NKAIN2: variants seen among roughly 807,000 people sequenced by gnomAD.
NKAIN2 encodes sodium/potassium-transporting ATPase subunit beta-1-interacting protein 2.
Under a neutral mutation model 32.6 loss-of-function variants are expected in NKAIN2, and 14 were observed. That is an observed-to-expected ratio of 0.43 (90% CI 0.28 to 0.67). The LOEUF is 0.67. Ranked by LOEUF, NKAIN2 falls within the 30% of genes least tolerant of loss-of-function variation. The pLI is 0.17. For missense variants in NKAIN2, 198 were observed against 258.3 expected (o/e 0.77, Z 1.60); for synonymous variants, 80 against 87.2 (o/e 0.92, Z 0.46).
At chr6:124,787,696 GT>G (rs1455648662) in intron 4 of NKAIN2, among the ~76,000 whole-genome samples, 3 of 152,110 alleles carry the variant, frequency 2.0e-5, no homozygotes, top group Non-Finnish European at 4.4e-5. Flanking sequence ...CATGAAAAAT[GT>G]TATACTTTTG....
rs1582961963 is a variant in NKAIN2 at position 124,032,503 on chromosome 6, T to C, written c.54+228249T>C. ...GTTTTAGAACTTAATGTAATGAAAG[T>C]ACTATCTTTCTATGAACCTTACAGT... On this transcript the variant is annotated intron_variant, in intron 1 of 6. Transcript: ENST00000368417. Among the ~76,000 whole-genome samples the C allele has an allele frequency of 3.3e-5, 5 of 152,108 alleles. No homozygotes were observed. In the South Asian group the frequency reaches 1.0e-3, roughly 31 times the overall value.
chr6:124,019,681 A>G (rs1410192601), intron 1 of NKAIN2, among the ~76,000 whole-genome samples: 4 of 152,174 alleles, frequency 2.6e-5, no homozygotes, highest in African/African-American at 9.7e-5. Flanking sequence ...ATCCCTTTCA[A>G]TATAAGTGTG....
At chr6:124,164,132 T>C (rs922041931) in intron 1 of NKAIN2, among the ~76,000 whole-genome samples, 2 of 152,108 alleles carry the variant, frequency 1.3e-5, no homozygotes, top group African/African-American at 2.4e-5. Flanking sequence ...AAAGTTAGAA[T>C]TGTAAACAAG....
chr6:124,741,562 G>T (rs1777212815), intron 4 of NKAIN2, among the ~76,000 whole-genome samples: 1 of 151,856 alleles, frequency 6.6e-6, no homozygotes, highest in African/African-American at 2.4e-5. Context: ...CAAAGGGAGT[G>T]CTTATCTCTG....
intron 3 of NKAIN2, among the ~76,000 whole-genome samples, chr6:124,489,767 T>A (rs1032226643): frequency 6.6e-6 from 1 of 151,876 alleles, no homozygotes; most frequent in Admixed American, 6.6e-5. Flanking sequence ...TCCACTTGTA[T>A]TGAAAATCTG....
At chr6:124,013,865 A>G (rs1780449071) in intron 1 of NKAIN2, among the ~76,000 whole-genome samples, 1 of 152,202 alleles carries the variant, frequency 6.6e-6, no homozygotes, top group Non-Finnish European at 1.5e-5. Flanking sequence ...TCACAAGCCA[A>G]TGAATACAGG....
At chr6:124,674,237 C>G (rs891125968) in intron 4 of NKAIN2, among the ~76,000 whole-genome samples, 1 of 151,970 alleles carries the variant, frequency 6.6e-6, no homozygotes, top group African/African-American at 2.4e-5. Context: ...GTTGTTATGC[C>G]AGTACCATAC....
chr6:124,228,683 C>T (rs1792251768), intron 1 of NKAIN2, among the ~76,000 whole-genome samples: 2 of 152,110 alleles, frequency 1.3e-5, no homozygotes, highest in Admixed American at 1.3e-4. Flanking sequence ...CCTTTGTAAG[C>T]CTCTTGCATT....
intron 1 of NKAIN2, among the ~76,000 whole-genome samples, chr6:124,153,581 A>T (rs1022761425): frequency 6.6e-6 from 1 of 151,738 alleles, no homozygotes; most frequent in African/African-American, 2.4e-5. Context: ...AGTCTTGCAC[A>T]TATTCCATTA....
intron 1 of NKAIN2, among the ~76,000 whole-genome samples, chr6:124,028,710 TATATAC>T (rs1189934663): frequency 9.9e-5 from 14 of 141,108 alleles, no homozygotes; most frequent in Non-Finnish European, 7.4e-5. Context: ...TACACGTGTA[TATATAC>T]GTGTATATAC....
At chr6:124,364,217 C>T (rs1251510395) in intron 3 of NKAIN2, among the ~76,000 whole-genome samples, 14 of 112,838 alleles carry the variant, frequency 1.2e-4, no homozygotes, top group African/African-American at 4.9e-4. Flanking sequence ...AACTAAAGCA[C>T]AGGAAAGGGT....
chr6:124,595,828 A>C (rs1259866374), intron 3 of NKAIN2, among the ~76,000 whole-genome samples: 1 of 152,188 alleles, frequency 6.6e-6, no homozygotes, highest in Non-Finnish European at 1.5e-5. Context: ...GATGTTACTG[A>C]GTTCTGCAGA....
intron 3 of NKAIN2, among the ~76,000 whole-genome samples, chr6:124,500,050 A>T (rs1424867867): frequency 1.3e-5 from 2 of 152,346 alleles, no homozygotes; most frequent in African/African-American, 4.8e-5. Context: ...TTAAAGGGTG[A>T]TGGAGATTTG....
rs536350657 is a variant in NKAIN2 at position 124,283,155 on chromosome 6, T to C, written c.192+13T>C. The C allele has an allele frequency of 8.8e-6, 14 of 1,589,986 alleles. No homozygotes were observed. The highest frequency in any genetic ancestry group is 8.1e-5 in the African/African-American group (6 of 74,516). Reference sequence around the variant, plus strand: ...TTACATAACAGGAGTAAGTACATTTTCTGCCTTTTAAAAATCTTATTGAAC... The same window carrying C: ...TTACATAACAGGAGTAAGTACATTTCCTGCCTTTTAAAAATCTTATTGAAC... On this transcript the variant is annotated intron_variant, in intron 2 of 6. Transcript: ENST00000368417.
chr6:124,732,046 A>G (rs1476908097), intron 4 of NKAIN2, among the ~76,000 whole-genome samples: 1 of 152,056 alleles, frequency 6.6e-6, no homozygotes, highest in Non-Finnish European at 1.5e-5. Context: ...ATGAAATATC[A>G]TTCTAATAGT....
intron 2 of NKAIN2, among the ~76,000 whole-genome samples, chr6:124,318,961 T>G (rs535163011): frequency 1.3e-5 from 2 of 152,230 alleles, no homozygotes; most frequent in African/African-American, 4.8e-5. Context: ...ATTTTAATTA[T>G]ATGTATTTAA....
chr6:123,885,974 TC>T (rs200459488), intron 1 of NKAIN2, among the ~76,000 whole-genome samples: 1 of 133,294 alleles, frequency 7.5e-6, no homozygotes, highest in Non-Finnish European at 1.6e-5. Flanking sequence ...AGAACAAGAG[TC>T]CCCCCAACTA....
At chr6:124,432,100 T>G (rs1018807786) in intron 3 of NKAIN2, among the ~76,000 whole-genome samples, 91 of 152,248 alleles carry the variant, frequency 6.0e-4, no homozygotes, top group African/African-American at 1.9e-3. Context: ...ATATTGTAAG[T>G]GTCACAATTG....
At chr6:124,397,639 G>C (rs909326919) in intron 3 of NKAIN2, among the ~76,000 whole-genome samples, 1 of 144,066 alleles carries the variant, frequency 6.9e-6, no homozygotes, top group African/African-American at 2.9e-5. Flanking sequence ...GGAAAAAAAA[G>C]AATTTAAAAA....
Sources: allele counts gnomAD v4.1 joint callset (sites outside exome capture counted in the v4.1 genomes callset), GRCh38; gene constraint gnomAD v4.1.1; transcripts MANE v1.5; gene names NCBI Gene and HGNC (gene_info 2026-07-23, HGNC 2026-07-21).